Variants in SLMAP observed in about 807,000 individuals in gnomAD.
SLMAP encodes sarcolemma associated protein, also known as sarcolemmal membrane-associated protein.
Under a neutral mutation model 128.8 loss-of-function variants are expected in SLMAP, and 44 were observed. The ratio of observed to expected loss-of-function variants is 0.34; its 90% CI spans 0.27 to 0.44. The LOEUF (loss-of-function observed/expected upper bound fraction) is 0.44, where lower values mean the gene tolerates loss of function less well. Ranked by LOEUF, SLMAP falls within the 20% of genes least tolerant of loss-of-function variation. The pLI is 1.00. For synonymous variants in SLMAP, 327 were observed against 348.8 expected, an observed-to-expected ratio of 0.94 and a Z score of 0.70; for missense variants, 787 against 985.3, an observed-to-expected ratio of 0.80 and a Z score of 2.69.
At chr3:57,859,413 G>A (rs2094945371) in intron 8 of SLMAP, among the ~76,000 whole-genome samples, 1 of 151,780 alleles carries the variant, frequency 6.6e-6, no homozygotes, top group Non-Finnish European at 1.5e-5. Flanking sequence ...GATTTGCTTA[G>A]CATAGTGGTA....
chr3:57,925,912 T>G lies in SLMAP; in HGVS notation c.2513T>G (p.Phe838Cys), dbSNP rs1416199715. Reference protein sequence around the residue: ...GLFLAFLFWCFGPLW With the variant: ...GLFLAFLFWCCGPLW ...TTCCTGGCTTTCCTGTTTTGGTGTT[T>G]CGGTCCATTGTGGTAGAGAAAGGTA... The change falls in exon 24 of 25, where the codon TTC becomes TGC. Residue 838 changes from phenylalanine (F) to cysteine (C), a missense_variant. Transcript: ENST00000671191. 4 of 1,550,994 alleles carry G rather than the reference T, an allele frequency of 2.6e-6. No homozygotes were observed. Among genetic ancestry groups the G allele is most frequent in the East Asian group, 4.9e-5 (2 of 40,938 alleles).
At chr3:57,857,043 G>GTGTA (rs2094825737) in intron 6 of SLMAP, among the ~76,000 whole-genome samples, 2 of 152,164 alleles carry the variant, frequency 1.3e-5, no homozygotes, top group Admixed American at 1.3e-4. Flanking sequence ...TACACACAGT[G>GTGTA]TGTATGTATG....
chr3:57,769,513 C>A (rs550256604), intron 2 of SLMAP, among the ~76,000 whole-genome samples: 1 of 151,970 alleles, frequency 6.6e-6, no homozygotes, highest in East Asian at 1.9e-4. Flanking sequence ...TTTTAAGACA[C>A]AAGGTCTCAC....
intron 17 of SLMAP, chr3:57,897,829 A>T (rs1288979024): frequency 1.3e-5 from 2 of 152,264 alleles, no homozygotes; most frequent in African/African-American, 4.8e-5. Context: ...AGTGGGTAGA[A>T]AATAAATCAG....
chr3:57,884,475 C>T (rs950666762), intron 14 of SLMAP, among the ~76,000 whole-genome samples: 2 of 152,190 alleles, frequency 1.3e-5, no homozygotes, highest in Admixed American at 6.5e-5. Flanking sequence ...CAGGGCTCTA[C>T]TCCAGAGAAA....
chr3:57,880,512 A>AT (rs1297956825), intron 14 of SLMAP, among the ~76,000 whole-genome samples: 1 of 152,064 alleles, frequency 6.6e-6, no homozygotes, highest in East Asian at 1.9e-4. Flanking sequence ...CTTGTATGTC[A>AT]TTTTTTATAA....
chr3:57,879,669 G>A (rs552210632), intron 14 of SLMAP, among the ~76,000 whole-genome samples: 8 of 152,250 alleles, frequency 5.3e-5, no homozygotes, highest in African/African-American at 1.7e-4. Flanking sequence ...TAGGCCAGGC[G>A]CAGTGGCTCA....
At chr3:57,905,274 A>G (rs2096498752) in intron 17 of SLMAP, among the ~76,000 whole-genome samples, 1 of 151,888 alleles carries the variant, frequency 6.6e-6, no homozygotes, top group Admixed American at 6.6e-5. Context: ...CCAGAGGATT[A>G]ATCCTTTTTT....
chr3:57,855,665 C>G (rs1306016596), intron 6 of SLMAP, among the ~76,000 whole-genome samples: 1 of 138,598 alleles, frequency 7.2e-6, no homozygotes, highest in Non-Finnish European at 1.5e-5. Context: ...TCTTTGAGAC[C>G]AGGAGTTCAA....
intron 2 of SLMAP, among the ~76,000 whole-genome samples, chr3:57,828,969 G>C (rs377106079): frequency 2.6e-5 from 4 of 151,986 alleles, no homozygotes; most frequent in African/African-American, 9.7e-5. Context: ...TTTTTGTAGG[G>C]ATGGGGTCTC....
intron 2 of SLMAP, among the ~76,000 whole-genome samples, chr3:57,830,866 A>G (rs1337696356): frequency 6.6e-6 from 1 of 152,150 alleles, no homozygotes; most frequent in Non-Finnish European, 1.5e-5. Context: ...ACTTCACATA[A>G]TGTTTTAAAC....
chr3:57,776,377 G>T (rs2081932778), intron 2 of SLMAP, among the ~76,000 whole-genome samples: 2 of 152,126 alleles, frequency 1.3e-5, no homozygotes, highest in Non-Finnish European at 2.9e-5. Context: ...GTGTGGATAT[G>T]TTTTGGGCAA....
chr3:57,818,824 T>C (rs75963786), intron 2 of SLMAP, among the ~76,000 whole-genome samples: 1,593 of 152,346 alleles, frequency 0.01, 31 homozygotes, highest in African/African-American at 0.036. Context: ...GGGACTTATG[T>C]TTAAGTCATA....
intron 2 of SLMAP, among the ~76,000 whole-genome samples, chr3:57,777,848 T>C (rs1361716756): frequency 6.6e-6 from 1 of 152,210 alleles, no homozygotes; most frequent in Non-Finnish European, 1.5e-5. Context: ...AATTAAAAAC[T>C]TGGATAATAT....
chr3:57,857,430 A>G (rs2094846349), intron 6 of SLMAP, among the ~76,000 whole-genome samples: 1 of 152,346 alleles, frequency 6.6e-6, no homozygotes, highest in East Asian at 1.9e-4. Flanking sequence ...ATTAACAATA[A>G]TAATAAAATA....
At chr3:57,828,572 A>T (rs2093092267) in intron 2 of SLMAP, among the ~76,000 whole-genome samples, 1 of 152,156 alleles carries the variant, frequency 6.6e-6, no homozygotes, top group South Asian at 2.1e-4. Flanking sequence ...GGGAACCAGG[A>T]CCAGATCCTG....
At chr3:57,865,582 G>A (rs559984696) in intron 13 of SLMAP, among the ~76,000 whole-genome samples, 1 of 151,988 alleles carries the variant, frequency 6.6e-6, no homozygotes, top group South Asian at 2.1e-4. Flanking sequence ...TCTGTTTTTC[G>A]AAGAGCTGTA....
At chr3:57,826,012 G>A (rs1397805627) in intron 2 of SLMAP, among the ~76,000 whole-genome samples, 2 of 152,040 alleles carry the variant, frequency 1.3e-5, no homozygotes, top group Admixed American at 1.3e-4. Flanking sequence ...GCCTACTCTG[G>A]CATTTTGCTG....
intron 2 of SLMAP, among the ~76,000 whole-genome samples, chr3:57,797,969 G>A (rs983599901): frequency 1.6e-4 from 25 of 152,244 alleles, no homozygotes; most frequent in Non-Finnish European, 2.8e-4. Context: ...AAGAAATTTA[G>A]CTTCATTGTG....
Sources: gnomAD v4.1 joint callset for allele counts (sites outside exome capture counted in the v4.1 genomes callset) on GRCh38, gnomAD v4.1.1 for gene constraint, MANE v1.5 for transcripts, NCBI Gene and HGNC (gene_info 2026-07-23, HGNC 2026-07-21) for gene names.